GMDS: variants seen among roughly 807,000 people sequenced by gnomAD.
GMDS encodes GDP-mannose 4,6 dehydratase.
GMDS carries 20 observed loss-of-function variants against 49.9 expected under a neutral mutation model. The ratio of observed to expected loss-of-function variants is 0.40; its 90% CI spans 0.28 to 0.58. The LOEUF is 0.58. Ranked by LOEUF, GMDS falls within the 20% of genes least tolerant of loss-of-function variation. GMDS has a pLI of 0.42. For missense variants in GMDS, 362 were observed against 481.4 expected (o/e 0.75, Z 2.32); for synonymous variants, 177 against 178.6 (o/e 0.99, Z 0.07).
intron 1 of GMDS, among the ~76,000 whole-genome samples, chr6:2,175,065 G>T (rs191662797): frequency 6.6e-6 from 1 of 152,188 alleles, no homozygotes; most frequent in Non-Finnish European, 1.5e-5. Context: ...GAAGGGGGGT[G>T]AGGGTAGCTA....
At chr6:1,876,678 C>T (rs532212910) in intron 7 of GMDS, among the ~76,000 whole-genome samples, 116 of 152,130 alleles carry the variant, frequency 7.6e-4, no homozygotes, top group Non-Finnish European at 1.4e-3. Flanking sequence ...CATAGGAAAG[C>T]CTTCTGGAAA....
chr6:2,008,991 A>G (rs577388482), intron 4 of GMDS, among the ~76,000 whole-genome samples: 1 of 152,318 alleles, frequency 6.6e-6, no homozygotes, highest in South Asian at 2.1e-4. Flanking sequence ...CAAGATGTTA[A>G]GTGCTGTTAT....
intron 4 of GMDS, among the ~76,000 whole-genome samples, chr6:1,996,196 C>T (rs1766270139): frequency 6.6e-6 from 1 of 151,762 alleles, no homozygotes; most frequent in Admixed American, 6.6e-5. Context: ...AACTATGGTA[C>T]CAAGGGACAG....
At chr6:1,735,053 C>T (rs376865589) in intron 8 of GMDS, among the ~76,000 whole-genome samples, 18 of 152,220 alleles carry the variant, frequency 1.2e-4, no homozygotes, top group African/African-American at 4.1e-4. Context: ...GCATATTAGC[C>T]ACCCCCAGTG....
chr6:1,942,639 T>A (rs918641113), intron 6 of GMDS, among the ~76,000 whole-genome samples: 1 of 152,116 alleles, frequency 6.6e-6, no homozygotes, highest in African/African-American at 2.4e-5. Flanking sequence ...TAGAAAAAAC[T>A]GGACTGAAAA....
At chr6:2,088,088 T>A (rs1773114327) in intron 4 of GMDS, among the ~76,000 whole-genome samples, 1 of 151,018 alleles carries the variant, frequency 6.6e-6, no homozygotes, top group Non-Finnish European at 1.5e-5. Flanking sequence ...CTAGAAAGGT[T>A]AAAATGAGAT....
chr6:1,631,537 A>T (rs1438270743), intron 9 of GMDS, among the ~76,000 whole-genome samples: 1 of 152,118 alleles, frequency 6.6e-6, no homozygotes, highest in Non-Finnish European at 1.5e-5. Flanking sequence ...CATGAGTACT[A>T]CACAGTACAA....
chr6:2,221,205 C>T (rs1157117245), intron 1 of GMDS, among the ~76,000 whole-genome samples: 1 of 152,112 alleles, frequency 6.6e-6, no homozygotes, highest in Non-Finnish European at 1.5e-5. Flanking sequence ...AACAAAAAAA[C>T]ACAAAATTGT....
intron 6 of GMDS, among the ~76,000 whole-genome samples, chr6:1,956,456 A>G (rs956214788): frequency 6.6e-6 from 1 of 152,190 alleles, no homozygotes; most frequent in Non-Finnish European, 1.5e-5. Flanking sequence ...TTCTCATGAA[A>G]TGTTATTCAT....
chr6:2,034,971 G>A (rs957367510), intron 4 of GMDS, among the ~76,000 whole-genome samples: 1 of 152,204 alleles, frequency 6.6e-6, no homozygotes, highest in Admixed American at 6.5e-5. Context: ...AAAAGAAGAA[G>A]CTGCCACCCC....
intron 7 of GMDS, among the ~76,000 whole-genome samples, chr6:1,795,934 A>T (rs760051033): frequency 2.6e-5 from 4 of 152,236 alleles, no homozygotes; most frequent in Non-Finnish European, 5.9e-5. Flanking sequence ...CAGTGAGGCC[A>T]GAGATGGGGG....
At chr6:1,669,648 C>T (rs1487519972) in intron 9 of GMDS, among the ~76,000 whole-genome samples, 1 of 152,126 alleles carries the variant, frequency 6.6e-6, no homozygotes, top group East Asian at 1.9e-4. Flanking sequence ...TACAGTGGCT[C>T]ATGCCTGTAA....
chr6:1,895,192 C>T (rs2113848035), intron 7 of GMDS, among the ~76,000 whole-genome samples: 1 of 152,200 alleles, frequency 6.6e-6, no homozygotes, highest in Admixed American at 6.5e-5. Flanking sequence ...GCTTGCTTGC[C>T]CTTCATGATT....
intron 9 of GMDS, among the ~76,000 whole-genome samples, chr6:1,696,027 C>T (rs1765329668): frequency 6.7e-6 from 1 of 149,988 alleles, no homozygotes; most frequent in African/African-American, 2.5e-5. Context: ...GATGAAGCTA[C>T]AGGCAGCCAA....
At chr6:2,176,240 T>C (rs1778278835) in intron 1 of GMDS, among the ~76,000 whole-genome samples, 1 of 152,160 alleles carries the variant, frequency 6.6e-6, no homozygotes, top group Non-Finnish European at 1.5e-5. Flanking sequence ...TCTAAACAAA[T>C]GGTTTAGAAA....
intron 7 of GMDS, among the ~76,000 whole-genome samples, chr6:1,865,543 T>C (rs1758402060): frequency 6.6e-6 from 1 of 152,176 alleles, no homozygotes; most frequent in Non-Finnish European, 1.5e-5. Context: ...CAAGCCTTCA[T>C]TTGATTAACT....
intron 9 of GMDS, among the ~76,000 whole-genome samples, chr6:1,678,310 T>C (rs1248549635): frequency 1.3e-5 from 2 of 152,192 alleles, no homozygotes; most frequent in East Asian, 1.9e-4. Flanking sequence ...ACCGCGTCTG[T>C]AGCCCTTAGT....
At chr6:1,958,403 T>G (rs1165114084) in intron 6 of GMDS, among the ~76,000 whole-genome samples, 2 of 152,086 alleles carry the variant, frequency 1.3e-5, no homozygotes. Context: ...CTGAGCAGAC[T>G]CTGTGGGCGC....
At chr6:1,652,960 C>A (rs1763762337) in intron 9 of GMDS, among the ~76,000 whole-genome samples, 1 of 150,214 alleles carries the variant, frequency 6.7e-6, no homozygotes, top group Non-Finnish European at 1.5e-5. Flanking sequence ...ATCCCTCAGG[C>A]CTGCATTGTA....
Sources: allele counts gnomAD v4.1 joint callset (sites outside exome capture counted in the v4.1 genomes callset), GRCh38; gene constraint gnomAD v4.1.1; transcripts MANE v1.5; gene names NCBI Gene and HGNC (gene_info 2026-07-23, HGNC 2026-07-21).